The following NUP58 variants were observed in gnomAD, a reference collection of about 807,000 sequenced individuals.
NUP58 encodes nucleoporin 58.
NUP58 carries 17 observed loss-of-function variants against 70.1 expected under a neutral mutation model. That is an observed-to-expected ratio of 0.24 (90% CI 0.17 to 0.36). The LOEUF (loss-of-function observed/expected upper bound fraction) is 0.36, where lower values mean the gene tolerates loss of function less well. NUP58 is among the 10% of genes least tolerant of loss of function. The pLI, the probability that NUP58 is intolerant of heterozygous loss-of-function variation, is 1.00. For missense variants in NUP58, 644 were observed against 701.5 expected, an observed-to-expected ratio of 0.92 and a Z score of 0.93; for synonymous variants, 275 against 257.6, an observed-to-expected ratio of 1.07 and a Z score of -0.65.
At chr13:25,336,031 CCAAA>C in intron 13 of NUP58, 7 of 1,167,110 alleles carry the variant, frequency 6.0e-6, no homozygotes, top group South Asian at 1.7e-5. Context: ...GCTATTCTTG[CCAAA>C]CAAACTCAGC....
chr13:25,304,541 A>G (rs2030218440), intron 1 of NUP58, among the ~76,000 whole-genome samples: 1 of 130,170 alleles, frequency 7.7e-6, no homozygotes, highest in South Asian at 2.4e-4. Flanking sequence ...TTTTTAAGAC[A>G]GTCTCACTCT....
In NUP58 at chr13:25,313,696, A is replaced by G. The variant is rs763347954; in HGVS notation, c.519A>G (p.Gly173=). The change falls in exon 5 of 16, where the codon GGA becomes GGG. Residue 173 remains glycine (G), a synonymous_variant. Transcript: ENST00000381736. ...TTASTGLSLG[G]ALAGLGGSLF... is the part of the protein sequence containing the mutation. ...CATCAACAGGCCTCTCTTTAGGGGG[A>G]GCCTTAGCTGGTTTGGGAGGTTCAC... is the stretch of plus-strand genomic sequence containing the variant. 6.5e-7 allele frequency: 1 copy of G among 1,531,498 alleles called. No homozygotes were observed. The highest frequency in any genetic ancestry group is 8.7e-7 in the Non-Finnish European group (1 of 1,152,462). The allele number at this position is 1,531,498 out of a possible 1,614,324, so 94.9% of individuals were successfully genotyped here. A position where few individuals can be genotyped will look rare whatever the true frequency, so the allele number is the denominator to read the frequency against.
rs772674328 is a variant in NUP58 at position 25,333,576 on chromosome 13, T to C, written c.1435+2018T>C. 75 of 985,314 alleles carry C rather than the reference T, an allele frequency of 7.6e-5. No homozygotes were observed. The East Asian group carries it at 1.1e-3, about 15-fold the overall frequency. The allele number at this position is 985,314 out of a possible 1,614,324, so 61.0% of individuals were successfully genotyped here. A position where few individuals can be genotyped will look rare whatever the true frequency, so the allele number is the denominator to read the frequency against. ...AGCTAAACAACAGTGATAACAATTTTACATTATCTTTTCTTTCTCCTTTTG... is the reference window on the plus strand; with the variant it reads ...AGCTAAACAACAGTGATAACAATTTCACATTATCTTTTCTTTCTCCTTTTG... On this transcript the variant is annotated intron_variant, in intron 13 of 15. Transcript: ENST00000381736.
downstream of NUP58, among the ~76,000 whole-genome samples, chr13:25,345,632 C>CT (rs1308825791): frequency 2.0e-5 from 3 of 151,984 alleles, no homozygotes; most frequent in Non-Finnish European, 2.9e-5. Context: ...GCCATTTTGA[C>CT]TATTTGAATT....
Position 25,315,363 on chromosome 13 carries a change from G to T in NUP58, c.581G>T (p.Gly194Val). 1 of 1,611,794 alleles carries T rather than the reference G, an allele frequency of 6.2e-7. No homozygotes were observed. Among genetic ancestry groups the T allele is most frequent in the Non-Finnish European group, 8.5e-7 (1 of 1,178,140 alleles). ...AGTTATGTTTTATTTATAGGACTTG[G>T]ACAGAATGCTTTAGGGTTGACTTTG... ...QSTNTGTSGL[G>V]QNALGLTLGT... The change falls in exon 6 of 16, where the codon GGA becomes GTA. Residue 194 changes from glycine (G) to valine (V), a missense_variant. Around this residue, in one of 4 missense-constraint regions of NUP58, gnomAD observed 430 missense variants for 409.2 expected, o/e 1.05. Transcript: ENST00000381736.
Position 25,315,357 on chromosome 13 carries a change from G to A in NUP58, c.575G>A (p.Gly192Glu), listed in dbSNP as rs35924025. 4.0e-3 allele frequency: 6,505 copies of A among 1,607,700 alleles called. 14 individuals are homozygous for A. The highest frequency in any genetic ancestry group is 5.0e-3 in the Non-Finnish European group (5,824 of 1,174,730). The part of the protein sequence containing the change: ...LFQSTNTGTS[G>E]LGQNALGLTL... ...TTTATAAGTTATGTTTTATTTATAG[G>A]ACTTGGACAGAATGCTTTAGGGTTG... The change falls in exon 6 of 16, where the codon GGA (glycine) becomes GAA (glutamate). Residue 192 changes from glycine (G) to glutamate (E), a missense_variant and splice_region_variant. This residue lies in a region of NUP58 where 430 missense variants were observed against 409.2 expected (regional missense o/e 1.05). Transcript: ENST00000381736.
intron 9 of NUP58, among the ~76,000 whole-genome samples, chr13:25,321,735 G>A (rs563485168): frequency 1.3e-5 from 2 of 152,226 alleles, no homozygotes; most frequent in East Asian, 1.9e-4. Flanking sequence ...TGACCAACAT[G>A]CTGAAATCCC....
chr13:25,333,755 C>T, intron 13 of NUP58: 5 of 985,026 alleles, frequency 5.1e-6, no homozygotes, highest in Non-Finnish European at 6.0e-6. Flanking sequence ...ATCCCTTATG[C>T]CCTGTGACTT....
At chr13:25,304,974 C>G (rs1160959468) in intron 1 of NUP58, among the ~76,000 whole-genome samples, 2 of 152,166 alleles carry the variant, frequency 1.3e-5, no homozygotes, top group African/African-American at 4.8e-5. Context: ...GGTTGTACTA[C>G]CTATGTTGTC....
At position 25,301,720 on chromosome 13, in the gene NUP58, A is replaced by G; in HGVS notation, c.-54A>G. On this transcript the variant is annotated 5_prime_UTR_variant, in exon 1 of 16. Coordinates refer to ENST00000381736, the MANE Select transcript of NUP58 (RefSeq NM_014089.4). The stretch of plus-strand genomic sequence containing the variant: ...CGGCCCGCCTCGGCTTTGAGGCGAG[A>G]GAAGTGTCCCAGACCCATTTCGCCT... 1 of 1,010,970 alleles carries G rather than the reference A, an allele frequency of 9.9e-7. No homozygotes were observed. Among genetic ancestry groups the G allele is most frequent in the Non-Finnish European group, 1.4e-6 (1 of 708,144 alleles). 62.6% of individuals were successfully genotyped at this position (1,010,970 alleles called of 1,614,324 possible).
intron 5 of NUP58, among the ~76,000 whole-genome samples, chr13:25,314,073 G>A (rs2030810266): frequency 6.6e-6 from 1 of 152,050 alleles, no homozygotes; most frequent in African/African-American, 2.4e-5. Flanking sequence ...TGGGATTACA[G>A]GTGTGTGCCA....
At position 25,321,086 on chromosome 13, in the gene NUP58, C is replaced by G; in HGVS notation, c.944C>G (p.Thr315Ser). 6.3e-7 allele frequency: 1 copy of G among 1,585,494 alleles called. No homozygotes were observed. The highest frequency in any genetic ancestry group is 1.2e-5 in the South Asian group (1 of 84,490). Residue 315 changes from threonine (T) to serine (S), a missense_variant, in exon 9 of 16, where the codon ACT (threonine) becomes AGT (serine). Coordinates refer to ENST00000381736, the MANE Select transcript of NUP58 (RefSeq NM_014089.4). ...AACATTGACAAATTGAAAATAGAAA[C>G]TGCTCAGGTATACCAACTTATGGCC... ...TLNIDKLKIE[T>S]AQELKNAEIA...
downstream of NUP58, among the ~76,000 whole-genome samples, chr13:25,345,171 A>G (rs1474036142): frequency 6.6e-6 from 1 of 152,214 alleles, no homozygotes; most frequent in Non-Finnish European, 1.5e-5. Flanking sequence ...CAATTTATAG[A>G]TGAAGGAACT....
At chr13:25,310,236 T>TTTTTA (rs1491454270) in intron 3 of NUP58, among the ~76,000 whole-genome samples, 4 of 72,482 alleles carry the variant, frequency 5.5e-5, no homozygotes, top group African/African-American at 1.7e-4. Context: ...TTTTTTTTTT[T>TTTTTA]AGAGACGGAA....
At position 25,325,019 on chromosome 13, in the gene NUP58, A is replaced by T; in HGVS notation, c.982A>T (p.Thr328Ser). ...GAAGAATGCTGAAATAGCTTTAAGA[A>T]CCCAGAAGACACCACCTGGACTTCA... ...ELKNAEIALR[T>S]QKTPPGLQHE... is the part of the protein sequence containing the mutation. The change falls in exon 10 of 16, where the codon ACC becomes TCC. Residue 328 changes from threonine to serine, a missense_variant. By Grantham distance (58) the Thr-to-Ser change is moderately conservative. Transcript: ENST00000381736. The T allele has an allele frequency of 6.2e-7, 1 of 1,610,352 alleles. No individual in the cohort carries two copies. Among genetic ancestry groups the T allele is most frequent in the Non-Finnish European group, 8.5e-7 (1 of 1,178,588 alleles).
chr13:25,312,230 G>A (rs2030704134), intron 3 of NUP58, among the ~76,000 whole-genome samples: 1 of 152,054 alleles, frequency 6.6e-6, no homozygotes, highest in Non-Finnish European at 1.5e-5. Flanking sequence ...AAGGAATAGA[G>A]AATGGTTATT....
chr13:25,335,844 C>G (rs2031761463), intron 13 of NUP58: 1 of 1,011,984 alleles, frequency 9.9e-7, no homozygotes, highest in Non-Finnish European at 1.2e-6. Flanking sequence ...GTTCCCTCAT[C>G]TTTGAGATGC....
intron 6 of NUP58, among the ~76,000 whole-genome samples, chr13:25,316,816 C>T (rs2030951837): frequency 1.3e-5 from 2 of 152,116 alleles, no homozygotes; most frequent in African/African-American, 4.8e-5. Flanking sequence ...CTCTGCCCCT[C>T]CCCACATCTT....
At chr13:25,302,013 T>G in intron 1 of NUP58, 133 bp downstream of exon 1, 3 of 629,722 alleles carry the variant, frequency 4.8e-6, no homozygotes, top group Non-Finnish European at 5.4e-6. Context: ...GCACTTAATC[T>G]AGCCGCCCGG....
Sources: gnomAD v4.1 joint callset for allele counts (sites outside exome capture counted in the v4.1 genomes callset) on GRCh38, gnomAD v4.1.1 for gene constraint, gnomAD v4.1.1 regional missense constraint, MANE v1.5 for transcripts, NCBI Gene and HGNC (gene_info 2026-07-23, HGNC 2026-07-21) for gene names.